The following TTN variants were observed in gnomAD, a reference collection of about 807,000 sequenced individuals.
TTN encodes connectin.
TTN carries 1,525 observed loss-of-function variants against 3,223.0 expected under a neutral mutation model. The observed-to-expected ratio is 0.47, with a 90% confidence interval of 0.45 to 0.49. TTN has a LOEUF of 0.49. Among genes scored for constraint, TTN ranks in the 20% least tolerant of loss-of-function variants. TTN has a pLI of 0.00. For missense variants in TTN, 40,786 were observed against 43,424.0 expected, an observed-to-expected ratio of 0.94 and a Z score of 5.40; for synonymous variants, 14,094 against 15,161.0, an observed-to-expected ratio of 0.93 and a Z score of 5.17.
chr2:178,628,409 G>GT (rs1336868463), intron 240 of TTN, among the ~76,000 whole-genome samples: 4 of 151,942 alleles, frequency 2.6e-5, no homozygotes, highest in African/African-American at 9.7e-5. Context: ...ACAATGTACT[G>GT]TCCTGTGCTT....
rs772227196 is a variant in TTN at position 178,601,561 on chromosome 2, A to G, written c.55436T>C (p.Val18479Ala). The G allele has an allele frequency of 6.2e-7, 1 of 1,608,928 alleles. No homozygotes were observed. The highest frequency in any genetic ancestry group is 8.5e-7 in the Non-Finnish European group (1 of 1,177,206). Residue 18479 changes from valine to alanine, a missense_variant, in exon 287 of 363, where the codon GTA becomes GCA. Transcript: ENST00000589042. ...TANCRVKVMD[V>A]PGPPKDLKVS... ...TTTCAGATCTTTGGGTGGGCCTGGT[A>G]CATCTGTTGGATGTAAATCACAATA...
In TTN at chr2:178,651,941, G is replaced by C; in HGVS notation, c.39322C>G (p.Leu13108Val). Residue 13108 changes from leucine to valine, a missense_variant, in exon 205 of 363, where the codon CTA (leucine) becomes GTA (valine). Leu to Val is a conservative substitution (Grantham distance 32). Transcript: ENST00000589042. ...EVFEEPEEVA[L>V]EEPPAEVVEE... Reference sequence around the variant, plus strand: ...ACAACTTCAGCAGGAGGCTCTTCTAGGGCAACTTCCTCAGGCTCCTCGAAC... The same window carrying C: ...ACAACTTCAGCAGGAGGCTCTTCTACGGCAACTTCCTCAGGCTCCTCGAAC... 6.2e-7 allele frequency: 1 copy of C among 1,610,210 alleles called. No individual in the cohort carries two copies. The highest frequency in any genetic ancestry group is 8.5e-7 in the Non-Finnish European group (1 of 1,178,244).
chr2:178,592,102 C>A lies in TTN; in HGVS notation c.59802G>T (p.Lys19934Asn), dbSNP rs1363638353. Residue 19934 changes from lysine to asparagine, a missense_variant, in exon 302 of 363, where the codon AAG (lysine) becomes AAT (asparagine). Physicochemically the swap from Lys to Asn is moderately conservative, Grantham distance 94 (BLOSUM62 0). Transcript: ENST00000589042. ...CATTCAGATGCTTAGCGAAGTGACTCTTTTTCTTTGATGTAGCTGAGAGAG... is the reference window on the plus strand; with the variant it reads ...CATTCAGATGCTTAGCGAAGTGACTATTTTTCTTTGATGTAGCTGAGAGAG... ...WSPLSATSKK[K>N]SHFAKHLNEG... is the part of the protein sequence containing the mutation. The A allele has an allele frequency of 1.2e-6, 2 of 1,612,948 alleles. No homozygotes were observed. Among genetic ancestry groups the A allele is most frequent in the Non-Finnish European group, 1.7e-6 (2 of 1,179,492 alleles).
At position 178,721,887 on chromosome 2, in the gene TTN, A is replaced by G. The variant is rs2154301453; in HGVS notation, c.22776T>C (p.Asp7592=). ...SGQYTCQATN[D]VGKDMCSAQL... ...GAGCTGAGCACATGTCTTTGCCAAC[A>G]TCATTGGTTGCTTGGCAAGTATATT... The change falls in exon 78 of 363, where the codon GAT becomes GAC. Residue 7592 remains aspartate (D), a synonymous_variant. Transcript: ENST00000589042. 1.2e-6 allele frequency: 2 copies of G among 1,613,036 alleles called. No homozygotes were observed. Among genetic ancestry groups the G allele is most frequent in the Non-Finnish European group, 1.7e-6 (2 of 1,179,350 alleles).
In TTN at chr2:178,551,920, G is replaced by C. The variant is rs770107107; in HGVS notation, c.90980C>G (p.Pro30327Arg). ...ATTGTATATAACTGGCTTTCCTGGG[G>C]GACCAGGAATCCTGAACTGGTGTTT... ...VAKHQFRIPG[P>R]PGKPVIYNVT... Residue 30327 changes from proline to arginine, a missense_variant, in exon 335 of 363, where the codon CCC (proline) becomes CGC (arginine). Pro to Arg is a moderately radical substitution (Grantham distance 103). Transcript: ENST00000589042. 2 of 1,613,662 alleles carry C rather than the reference G, an allele frequency of 1.2e-6. No homozygotes were observed. Among genetic ancestry groups the C allele is most frequent in the Non-Finnish European group, 8.5e-7 (1 of 1,179,676 alleles).
In TTN at chr2:178,723,688, A is replaced by C. The variant is rs2078830864; in HGVS notation, c.21412T>G (p.Ser7138Ala). ...AAAGGTTCAGGTTCTTTCACAAAAG[A>C]GGGTGGTTCTATATAGACATGGAGA... is the stretch of plus-strand genomic sequence containing the variant. ...RAVLTVQEPP[S>A]FVKEPEPLEV... The change falls in exon 74 of 363, where the codon TCT (serine) becomes GCT (alanine). Residue 7138 changes from serine (S) to alanine (A), a missense_variant. Physicochemically the swap from Ser to Ala is moderately conservative, Grantham distance 99 (BLOSUM62 1). Transcript: ENST00000589042. The C allele has an allele frequency of 6.3e-7, 1 of 1,581,438 alleles. No homozygotes were observed. The highest frequency in any genetic ancestry group is 8.6e-7 in the Non-Finnish European group (1 of 1,166,678).
At position 178,780,288 on chromosome 2, in the gene TTN, C is replaced by A. The variant is rs1574723364; in HGVS notation, c.3524-83G>T. On this transcript the variant is annotated intron_variant, in intron 21 of 362. Coordinates refer to ENST00000589042, the MANE Select transcript of TTN (RefSeq NM_001267550.2). ...ACTATGCATTCAGGTAAACTCTACA[C>A]TGGGGAAAGTTGATAACCAAAAACC... 4 of 1,298,924 alleles carry A rather than the reference C, an allele frequency of 3.1e-6. No individual in the cohort carries two copies. In the East Asian group the frequency reaches 9.4e-5, roughly 31 times the overall value. 80.5% of individuals were successfully genotyped at this position (1,298,924 alleles called of 1,614,324 possible). A position where few individuals can be genotyped will look rare whatever the true frequency, so the allele number is the denominator to read the frequency against.
chr2:178,728,368 T>G lies in TTN; in HGVS notation c.19456A>C (p.Lys6486Gln). 6.2e-7 allele frequency: 1 copy of G among 1,603,000 alleles called. No individual in the cohort carries two copies. Among genetic ancestry groups the G allele is most frequent in the East Asian group, 2.2e-5 (1 of 44,630 alleles). The change falls in exon 67 of 363, where the codon AAA becomes CAA. Residue 6486 changes from lysine (K) to glutamine (Q), a missense_variant. Lys to Gln is a moderately conservative substitution (Grantham distance 53). Coordinates refer to ENST00000589042, the MANE Select transcript of TTN (RefSeq NM_001267550.2). ...AGAACTTTATCCATTTTGGTTAATT[T>G]TTTGGTGAATGATGGAGGAATATTT... ...DQNIPPSFTK[K>Q]LTKMDKVLGS...
At position 178,595,379 on chromosome 2, in the gene TTN, G is replaced by C. The variant is rs1356021174; in HGVS notation, c.57847+128C>G. On this transcript the variant is annotated intron_variant, in intron 295 of 362. Transcript: ENST00000589042. ...CAAATACTACCAAATCAGATACTGA[G>C]TAGTTGTGTGATAACTGCTTGTCAA... 5 of 811,664 alleles carry C rather than the reference G, an allele frequency of 6.2e-6. No homozygotes were observed. In the East Asian group the frequency reaches 1.3e-4, roughly 22 times the overall value. 50.3% of individuals were successfully genotyped at this position (811,664 alleles called of 1,614,324 possible). A position where few individuals can be genotyped will look rare whatever the true frequency, so the allele number is the denominator to read the frequency against.
rs2053662063 is a variant in TTN at position 178,602,301 on chromosome 2, G to T, written c.55101C>A (p.Ile18367=). Residue 18367 remains isoleucine (I), a synonymous_variant, in exon 283 of 363, where the codon ATC becomes ATA. Coordinates refer to ENST00000589042, the MANE Select transcript of TTN (RefSeq NM_001267550.2). ...ESEPSDTTGE[I]PATDIQEEPE... is the part of the protein sequence containing the mutation. ...TAGTACCTTGAATATCAGTGGCAGG[G>T]ATCTCCCCAGTTGTATCACTTGGTT... 1 of 1,612,584 alleles carries T rather than the reference G, an allele frequency of 6.2e-7. No individual in the cohort carries two copies. Among genetic ancestry groups the T allele is most frequent in the African/African-American group, 1.3e-5 (1 of 74,826 alleles).
At position 178,573,110 on chromosome 2, in the gene TTN, G is replaced by A. The variant is rs568799517; in HGVS notation, c.73022C>T (p.Ser24341Leu). Residue 24341 changes from serine to leucine, a missense_variant, in exon 326 of 363, where the codon TCA becomes TTA. Transcript: ENST00000589042. ...ATAGATAGGTTTATTCCAAGCGATT[G>A]AAATGGATGATCTGCTTGTATCCAG... ...RVLDTSRSSI[S>L]IAWNKPIYDG... 2 of 1,613,310 alleles carry A rather than the reference G, an allele frequency of 1.2e-6. No individual in the cohort carries two copies.
Position 178,533,734 on chromosome 2 carries a change from G to C in TTN, c.102881C>G (p.Ser34294Ter). Residue 34294 changes from serine (S) to a stop codon, truncating the protein, a stop_gained, in exon 358 of 363, where the codon TCA becomes TGA. Transcript: ENST00000589042. LOFTEE classifies it high-confidence loss of function. ...HPEPHVTWYK[S>*]GQKIKPGDND... The stretch of plus-strand genomic sequence containing the variant: ...GTCACCTGGTTTGATTTTCTGACCT[G>C]ATTTATACCATGTTACATGAGGCTC... The C allele has an allele frequency of 6.2e-7, 1 of 1,613,888 alleles. No individual in the cohort carries two copies. Among genetic ancestry groups the C allele is most frequent in the African/African-American group, 1.3e-5 (1 of 75,020 alleles).
In TTN at chr2:178,547,104, A is replaced by G. The variant is rs1401860835; in HGVS notation, c.94421T>C (p.Val31474Ala). 1 of 1,613,826 alleles carries G rather than the reference A, an allele frequency of 6.2e-7. No individual in the cohort carries two copies. Among genetic ancestry groups the G allele is most frequent in the Admixed American group, 1.7e-5 (1 of 60,012 alleles). ...TCTGAACTGATATTCCAGTCCTTCTACTAAACCAGTTACTTTGTAGTTGCA... is the reference window on the plus strand; with the variant it reads ...TCTGAACTGATATTCCAGTCCTTCTGCTAAACCAGTTACTTTGTAGTTGCA... ...LECNYKVTGL[V>A]EGLEYQFRTY... The change falls in exon 340 of 363, where the codon GTA (valine) becomes GCA (alanine). Residue 31474 changes from valine (V) to alanine (A), a missense_variant. By Grantham distance (64) the Val-to-Ala change is moderately conservative (BLOSUM62 0). Transcript: ENST00000589042.
At chr2:178,681,781 A>G (rs1577347366) in intron 135 of TTN, 43 bp from the exon 136 acceptor site, 2 of 1,459,008 alleles carry the variant, frequency 1.4e-6, no homozygotes, top group Non-Finnish European at 1.9e-6. Flanking sequence ...GACTTAGAAT[A>G]TAAGTTTAAA....
chr2:178,608,513 G>C, intron 274 of TTN, 36 bp from the exon 275 acceptor site: 1 of 1,560,988 alleles, frequency 6.4e-7, no homozygotes, highest in Non-Finnish European at 8.6e-7. Context: ...AAATTTCCCA[G>C]TATGACATAA....
rs545579063 is a variant in TTN at position 178,794,473 on chromosome 2, C to T, written c.1324G>A (p.Val442Met). Residue 442 changes from valine (V) to methionine (M), a missense_variant, in exon 8 of 363, where the codon GTG (valine) becomes ATG (methionine). By Grantham distance (21) the Val-to-Met change is conservative. Coordinates refer to ENST00000589042, the MANE Select transcript of TTN (RefSeq NM_001267550.2). The stretch of plus-strand genomic sequence containing the variant: ...GCAGTCTGCTCTACAGCGCTGATCA[C>T]TGGTTCTCTCACTCTGGCCATATCA... ...AVDMARVREP[V>M]ISAVEQTAQR... 33 of 1,614,206 alleles carry T rather than the reference C, an allele frequency of 2.0e-5. No homozygotes were observed. In the South Asian group the frequency reaches 3.5e-4, roughly 17 times the overall value.
intron 46 of TTN, among the ~76,000 whole-genome samples, chr2:178,755,750 T>G (rs1405479009): frequency 6.6e-6 from 1 of 152,178 alleles, no homozygotes; most frequent in Non-Finnish European, 1.5e-5. Context: ...GGTCCCAATT[T>G]TCTATTTTCA....
chr2:178,582,520 G>A lies in TTN; in HGVS notation c.65936C>T (p.Pro21979Leu), dbSNP rs773647071. The A allele has an allele frequency of 1.1e-5, 17 of 1,612,706 alleles. No individual in the cohort carries two copies. Among genetic ancestry groups the A allele is most frequent in the Middle Eastern group, 1.6e-4 (1 of 6,070 alleles). ...TTCTGAGCCTCCATCTTCAAGAGGCGGTTCCCAAGAAAGCATAGCACGATC... is the reference window on the plus strand; with the variant it reads ...TTCTGAGCCTCCATCTTCAAGAGGCAGTTCCCAAGAAAGCATAGCACGATC... Reference protein sequence around the residue: ...YSDRAMLSWEPPLEDGGSEIT... With the variant: ...YSDRAMLSWELPLEDGGSEIT... Residue 21979 changes from proline to leucine, a missense_variant, in exon 314 of 363, where the codon CCG (proline) becomes CTG (leucine). Transcript: ENST00000589042.
chr2:178,764,211 C>T lies in TTN; in HGVS notation c.10080G>A (p.Gln3360=). Residue 3360 remains glutamine, a synonymous_variant, in exon 43 of 363, where the codon CAG becomes CAA. Transcript: ENST00000589042. ...PLQDTVTSEG[Q]PARFQCRVSG... is the part of the protein sequence containing the mutation. The stretch of plus-strand genomic sequence containing the variant: ...AAACCCGGCATTGAAAACGGGCTGG[C>T]TGCCCTTCAGAAGTGACAGTGTCCT... The T allele has an allele frequency of 6.2e-7, 1 of 1,614,090 alleles. No homozygotes were observed. Among genetic ancestry groups the T allele is most frequent in the East Asian group, 2.2e-5 (1 of 44,860 alleles).
Sources: gnomAD v4.1 joint callset for allele counts (sites outside exome capture counted in the v4.1 genomes callset) on GRCh38, gnomAD v4.1.1 for gene constraint, MANE v1.5 for transcripts, NCBI Gene and HGNC (gene_info 2026-07-23, HGNC 2026-07-21) for gene names.